The following WDR7 variants were observed in gnomAD, a reference collection of about 807,000 sequenced individuals.
WDR7 encodes the protein WD repeat domain 7, also known as WD repeat-containing protein 7.
A neutral mutation model predicts 169.4 loss-of-function variants in WDR7; 46 were observed. The observed-to-expected ratio is 0.27, with a 90% confidence interval of 0.21 to 0.35. The LOEUF (loss-of-function observed/expected upper bound fraction) is 0.35. Among genes scored for constraint, WDR7 ranks in the 10% least tolerant of loss-of-function variants. WDR7 has a pLI of 1.00. For synonymous variants in WDR7, 612 were observed against 666.8 expected (o/e 0.92, Z 1.27); for missense variants, 1,534 against 1,859.3 (o/e 0.83, Z 3.22).
chr18:56,666,519 A>G (rs2025028432), intron 1 of WDR7, among the ~76,000 whole-genome samples: 1 of 151,834 alleles, frequency 6.6e-6, no homozygotes, highest in Admixed American at 6.6e-5. Flanking sequence ...CATTCCTTCT[A>G]ACACCACTTA....
intron 26 of WDR7, among the ~76,000 whole-genome samples, chr18:56,999,416 G>A (rs2047943793): frequency 6.6e-6 from 1 of 152,166 alleles, no homozygotes; most frequent in Admixed American, 6.5e-5. Context: ...AATGGTTTAT[G>A]TATTAAACTT....
chr18:56,664,324 C>T (rs1469617251), intron 1 of WDR7, among the ~76,000 whole-genome samples: 2 of 152,030 alleles, frequency 1.3e-5, no homozygotes, highest in Admixed American at 1.3e-4. Flanking sequence ...TTAAAGACCA[C>T]AGATTTCAAA....
At chr18:56,966,331 C>T (rs1050727638) in intron 26 of WDR7, among the ~76,000 whole-genome samples, 1 of 152,184 alleles carries the variant, frequency 6.6e-6, no homozygotes, top group Middle Eastern at 3.4e-3. Context: ...CCTCTTCTCC[C>T]TCTGCCACCC....
chr18:56,662,900 C>A (rs1419697686), intron 1 of WDR7, among the ~76,000 whole-genome samples: 9 of 152,082 alleles, frequency 5.9e-5, no homozygotes, highest in Non-Finnish European at 1.3e-4. Context: ...GACATAACAG[C>A]TTTTTTAGCC....
chr18:56,776,814 G>A lies in WDR7; in HGVS notation c.2881G>A (p.Ala961Thr). The A allele has an allele frequency of 2.5e-6, 4 of 1,613,722 alleles. No individual in the cohort carries two copies. Among genetic ancestry groups the A allele is most frequent in the Non-Finnish European group, 8.5e-7 (1 of 1,179,792 alleles). Reference sequence around the variant, plus strand: ...ACCTGTCGTTTCCGCTCGGTCTGATGCTGATCACTCTGGCTCTGACCCTCC... The same window carrying A: ...ACCTGTCGTTTCCGCTCGGTCTGATACTGATCACTCTGGCTCTGACCCTCC... ...AAPVVSARSD[A>T]DHSGSDPPSA... Residue 961 changes from alanine to threonine, a missense_variant, in exon 17 of 28, where the codon GCT becomes ACT. Transcript: ENST00000254442.
chr18:56,885,607 G>A (rs755347377), intron 21 of WDR7, among the ~76,000 whole-genome samples: 11 of 151,636 alleles, frequency 7.3e-5, no homozygotes, highest in Admixed American at 2.6e-4. Flanking sequence ...GGCGGATCAC[G>A]AGGTCAGATC....
At chr18:57,018,142 T>A (rs2048233341) in intron 26 of WDR7, among the ~76,000 whole-genome samples, 1 of 152,180 alleles carries the variant, frequency 6.6e-6, no homozygotes, top group Non-Finnish European at 1.5e-5. Context: ...TGGTTGCTGA[T>A]TAAGGAAGGA....
intron 26 of WDR7, among the ~76,000 whole-genome samples, chr18:57,018,196 G>A (rs1265261258): frequency 6.6e-6 from 1 of 152,212 alleles, no homozygotes; most frequent in African/African-American, 2.4e-5. Context: ...TTTTGAAACT[G>A]AGGGGCCCAA....
At chr18:57,034,202 C>CA (rs889037453), downstream of WDR7, 31 of 146,624 alleles carry the variant, frequency 2.1e-4, no homozygotes, top group East Asian at 6.1e-4. Context: ...GTCTCCGCCT[C>CA]AAAAAAAAAA....
At chr18:56,677,255 A>G (rs991861627) in intron 2 of WDR7, among the ~76,000 whole-genome samples, 4 of 152,116 alleles carry the variant, frequency 2.6e-5, no homozygotes, top group South Asian at 2.1e-4. Flanking sequence ...TGGATTTACT[A>G]TTCTTTCCTT....
intron 14 of WDR7, among the ~76,000 whole-genome samples, chr18:56,739,271 G>T (rs1182057941): frequency 1.3e-5 from 2 of 151,920 alleles, no homozygotes; most frequent in Admixed American, 6.6e-5. Flanking sequence ...GTTAGCTATA[G>T]ATTCTGTTAG....
intron 14 of WDR7, among the ~76,000 whole-genome samples, chr18:56,740,741 CT>C (rs958293880): frequency 1.3e-5 from 2 of 152,128 alleles, no homozygotes; most frequent in African/African-American, 4.8e-5. Context: ...TACTTCTTAT[CT>C]TCTTAGCATG....
intron 25 of WDR7, among the ~76,000 whole-genome samples, chr18:56,951,368 G>T (rs1425063005): frequency 6.6e-6 from 1 of 152,074 alleles, no homozygotes; most frequent in African/African-American, 2.4e-5. Flanking sequence ...GAGAGCCAGG[G>T]CGCACACTCC....
chr18:56,967,567 T>C (rs2047427882), intron 26 of WDR7, among the ~76,000 whole-genome samples: 1 of 151,702 alleles, frequency 6.6e-6, no homozygotes, highest in Admixed American at 6.6e-5. Context: ...TATTTGCCTT[T>C]GGTTTGGCAG....
intron 19 of WDR7, among the ~76,000 whole-genome samples, chr18:56,793,864 G>A (rs1181316556): frequency 3.3e-5 from 5 of 152,160 alleles, no homozygotes; most frequent in South Asian, 2.1e-4. Context: ...CCTTAGTAGC[G>A]ATTGGTAGGA....
intron 20 of WDR7, among the ~76,000 whole-genome samples, chr18:56,832,804 G>T (rs2045335893): frequency 6.6e-6 from 1 of 152,020 alleles, no homozygotes; most frequent in Admixed American, 6.6e-5. Flanking sequence ...TCAACAAAAA[G>T]AACACCCACA....
chr18:56,940,938 T>C (rs139002398), intron 25 of WDR7, among the ~76,000 whole-genome samples: 11 of 152,328 alleles, frequency 7.2e-5, no homozygotes, highest in African/African-American at 1.4e-4. Flanking sequence ...TTTCCTATTA[T>C]GTGGTCAGTG....
chr18:56,705,773 C>T (rs936769647), intron 12 of WDR7, among the ~76,000 whole-genome samples: 5 of 152,108 alleles, frequency 3.3e-5, no homozygotes, highest in Admixed American at 1.3e-4. Context: ...CTGAGGCTGG[C>T]AGATCACAAG....
chr18:56,989,971 A>G (rs1033301788), intron 26 of WDR7, among the ~76,000 whole-genome samples: 1 of 152,244 alleles, frequency 6.6e-6, no homozygotes, highest in South Asian at 2.1e-4. Context: ...AAACAGGACC[A>G]TGTAAAACTA....
Sources: gnomAD v4.1 joint callset for allele counts (sites outside exome capture counted in the v4.1 genomes callset) on GRCh38, gnomAD v4.1.1 for gene constraint, MANE v1.5 for transcripts, NCBI Gene and HGNC (gene_info 2026-07-23, HGNC 2026-07-21) for gene names.